Variants in ATP1B1 observed in about 807,000 individuals in gnomAD.
The protein encoded by ATP1B1 is ATPase Na+/K+ transporting subunit beta 1, also known as sodium/potassium-transporting ATPase subunit beta-1.
A neutral mutation model predicts 39.6 loss-of-function variants in ATP1B1; 3 were observed. The observed-to-expected ratio is 0.08, with a 90% CI of 0.03 to 0.20. The LOEUF is 0.20. ATP1B1 is among the 10% of genes least tolerant of loss of function. ATP1B1 has a pLI of 1.00. For synonymous variants in ATP1B1, 139 were observed against 135.0 expected, an observed-to-expected ratio of 1.03 and a Z score of -0.20; for missense variants, 216 against 371.1, an observed-to-expected ratio of 0.58 and a Z score of 3.43.
intron 2 of ATP1B1, among the ~76,000 whole-genome samples, chr1:169,122,371 C>T (rs1657995049): frequency 6.6e-6 from 1 of 152,188 alleles, no homozygotes; most frequent in Non-Finnish European, 1.5e-5. Flanking sequence ...CCCTACCCGA[C>T]TTCCCCATTT....
At chr1:169,114,903 G>A (rs1262027998) in intron 2 of ATP1B1, among the ~76,000 whole-genome samples, 1 of 151,936 alleles carries the variant, frequency 6.6e-6, no homozygotes, top group Non-Finnish European at 1.5e-5. Context: ...TAAAAAAAAA[G>A]GGGTGGGGCC....
chr1:169,128,511 T>C (rs1163497455), intron 4 of ATP1B1, among the ~76,000 whole-genome samples: 1 of 152,216 alleles, frequency 6.6e-6, no homozygotes, highest in Non-Finnish European at 1.5e-5. Flanking sequence ...CCTGGCTGGC[T>C]AGTTTGATGG....
intron 4 of ATP1B1, 57 bp downstream of exon 4, chr1:169,127,465 TTG>T: frequency 6.5e-7 from 1 of 1,530,014 alleles, no homozygotes. Context: ...AAGTACTTAA[TTG>T]ATCTGAGAAG....
At chr1:169,118,844 G>A (rs1410481855) in intron 2 of ATP1B1, among the ~76,000 whole-genome samples, 2 of 152,112 alleles carry the variant, frequency 1.3e-5, no homozygotes, top group Non-Finnish European at 2.9e-5. Flanking sequence ...GTACCTTCCT[G>A]GAGGTTTCCA....
chr1:169,130,779 CAAAAAAAAAAAA>C (rs57542049), intron 5 of ATP1B1, among the ~76,000 whole-genome samples: 6 of 73,968 alleles, frequency 8.1e-5, no homozygotes, highest in Non-Finnish European at 1.5e-4. Context: ...AAGACTATCT[CAAAAAAAAAAAA>C]AAAAAAAAAA....
chr1:169,113,881 CT>C (rs1419441062), intron 2 of ATP1B1, among the ~76,000 whole-genome samples: 1 of 152,234 alleles, frequency 6.6e-6, no homozygotes, highest in Non-Finnish European at 1.5e-5. Flanking sequence ...ATTTCTGTCT[CT>C]TCTTTTCCTC....
intron 1 of ATP1B1, among the ~76,000 whole-genome samples, chr1:169,107,272 C>A (rs1238633510): frequency 6.6e-6 from 1 of 151,022 alleles, no homozygotes; most frequent in African/African-American, 2.5e-5. Flanking sequence ...TTGTCTCTCC[C>A]GTGTCCTGAG....
rs369488918 is a variant in ATP1B1 at position 169,131,437 on chromosome 1, A to G, written c.794A>G (p.Asn265Ser). The G allele has an allele frequency of 3.5e-5, 56 of 1,614,172 alleles. No homozygotes were observed. The highest frequency in any genetic ancestry group is 3.3e-4 in the Middle Eastern group (2 of 6,062). ...LQPLLAVQFT[N>S]LTMDTEIRIE... is the part of the protein sequence containing the mutation. ...CCCCTGCTGGCCGTACAGTTCACCA[A>G]TCTTACCATGGACACTGAAATTCGC... Residue 265 changes from asparagine to serine, a missense_variant, in exon 6 of 6, where the codon AAT (asparagine) becomes AGT (serine). Physicochemically the swap from Asn to Ser is conservative, Grantham distance 46. Transcript: ENST00000367815. The surrounding 1 kb of genome is among the most constrained non-coding windows in gnomAD (Gnocchi z 4.4).
chr1:169,116,406 A>G (rs1240961068), intron 2 of ATP1B1, among the ~76,000 whole-genome samples: 8 of 152,232 alleles, frequency 5.3e-5, no homozygotes, highest in African/African-American at 1.9e-4. Context: ...GCTCAGTGCT[A>G]GCAGACACAT....
rs140309868 is a variant in ATP1B1 at position 169,131,463 on chromosome 1, A to G, written c.820A>G (p.Ile274Val). Reference protein sequence around the residue: ...TNLTMDTEIRIECKAYGENIG... With the variant: ...TNLTMDTEIRVECKAYGENIG... Reference sequence around the variant, plus strand: ...TCTTACCATGGACACTGAAATTCGCATAGAGTGTAAGGCGTACGGTGAGAA... The same window carrying G: ...TCTTACCATGGACACTGAAATTCGCGTAGAGTGTAAGGCGTACGGTGAGAA... The change falls in exon 6 of 6, where the codon ATA (isoleucine) becomes GTA (valine). Residue 274 changes from isoleucine to valine, a missense_variant. By Grantham distance (29) the Ile-to-Val change is conservative (BLOSUM62 3). Transcript: ENST00000367815. This position sits in a 1 kb window ranked among gnomAD's most constrained non-coding sequence, Gnocchi z 4.4. 1.4e-5 allele frequency: 23 copies of G among 1,614,076 alleles called. No homozygotes were observed. The highest frequency in any genetic ancestry group is 1.8e-5 in the Non-Finnish European group (21 of 1,180,038).
intron 2 of ATP1B1, among the ~76,000 whole-genome samples, chr1:169,123,871 C>G (rs1182328280): frequency 6.6e-6 from 1 of 152,172 alleles, no homozygotes; most frequent in Non-Finnish European, 1.5e-5. Flanking sequence ...AGGTGATCCA[C>G]CCATCTTGGC....
At position 169,131,480 on chromosome 1, in the gene ATP1B1, C is replaced by T. The variant is rs145238933; in HGVS notation, c.837C>T (p.Tyr279=). ...DTEIRIECKA[Y]GENIGYSEKD... ...AAATTCGCATAGAGTGTAAGGCGTACGGTGAGAACATTGGGTACAGTGAGA... is the reference window on the plus strand; with the variant it reads ...AAATTCGCATAGAGTGTAAGGCGTATGGTGAGAACATTGGGTACAGTGAGA... The change falls in exon 6 of 6, where the codon TAC becomes TAT. Residue 279 remains tyrosine, a synonymous_variant. Transcript: ENST00000367815. The surrounding 1 kb of genome is among the most constrained non-coding windows in gnomAD (Gnocchi z 4.4). The T allele has an allele frequency of 3.5e-4, 559 of 1,613,898 alleles. No homozygotes were observed. Among genetic ancestry groups the T allele is most frequent in the Non-Finnish European group, 4.4e-4 (523 of 1,180,024 alleles).
chr1:169,121,166 C>T (rs991630989), intron 2 of ATP1B1, among the ~76,000 whole-genome samples: 1 of 152,006 alleles, frequency 6.6e-6, no homozygotes, highest in Admixed American at 6.6e-5. Context: ...AGGCTGGTCT[C>T]GAACTCCTGG....
At chr1:169,118,861 ATGATTCC>A (rs1251846223) in intron 2 of ATP1B1, among the ~76,000 whole-genome samples, 2 of 152,184 alleles carry the variant, frequency 1.3e-5, no homozygotes, top group Admixed American at 1.3e-4. Flanking sequence ...TCCATGGGAA[ATGATTCC>A]TATTTAGAGA....
At chr1:169,117,431 G>A (rs1158254142) in intron 2 of ATP1B1, among the ~76,000 whole-genome samples, 2 of 152,150 alleles carry the variant, frequency 1.3e-5, no homozygotes, top group African/African-American at 4.8e-5. Context: ...GGGTACACAG[G>A]AAACCTAATG....
chr1:169,110,681 G>A, intron 1 of ATP1B1: 2 of 1,284,012 alleles, frequency 1.6e-6, no homozygotes, highest in South Asian at 1.2e-5. Flanking sequence ...TCTTGTTCCA[G>A]TTCCAGAAGA....
At chr1:169,121,177 C>G (rs1657974558) in intron 2 of ATP1B1, among the ~76,000 whole-genome samples, 1 of 152,054 alleles carries the variant, frequency 6.6e-6, no homozygotes, top group African/African-American at 2.4e-5. Flanking sequence ...GAACTCCTGG[C>G]CTCAAGTGAT....
intron 4 of ATP1B1, among the ~76,000 whole-genome samples, chr1:169,127,647 C>T (rs1557952572): frequency 6.6e-6 from 1 of 152,126 alleles, no homozygotes. Flanking sequence ...TGAAGTGAGT[C>T]TGTGGCCCTT....
intron 1 of ATP1B1, chr1:169,110,828 A>G: frequency 2.0e-6 from 1 of 499,378 alleles, no homozygotes; most frequent in South Asian, 2.2e-5. Context: ...ACAGGAGGAT[A>G]TCATCACTGG....
Sources: gnomAD v4.1 joint callset for allele counts (sites outside exome capture counted in the v4.1 genomes callset) on GRCh38, gnomAD v4.1.1 for gene constraint, Gnocchi (gnomAD v3.1) non-coding constraint, MANE v1.5 for transcripts, NCBI Gene and HGNC (gene_info 2026-07-23, HGNC 2026-07-21) for gene names.